Variants in BCL2L13 observed in about 807,000 individuals in gnomAD.
BCL2L13 encodes the protein bcl-2-like protein 13.
BCL2L13 carries 13 observed loss-of-function variants against 25.8 expected under a neutral mutation model. That is an observed-to-expected ratio of 0.50 (90% confidence interval 0.33 to 0.80). The LOEUF is 0.80. Ranked by LOEUF, BCL2L13 falls within the 30% of genes least tolerant of loss-of-function variation. The pLI is 0.02. For missense variants in BCL2L13, 504 were observed against 574.9 expected (o/e 0.88, Z 1.26); for synonymous variants, 244 against 230.3 (o/e 1.06, Z -0.54).
chr22:17,672,322 G>T (rs979180097), intron 2 of BCL2L13, among the ~76,000 whole-genome samples: 2 of 152,184 alleles, frequency 1.3e-5, no homozygotes, highest in Non-Finnish European at 2.9e-5. Flanking sequence ...CATAGATTTC[G>T]AAAGTATTTT....
At chr22:17,652,685 C>T (rs960192259) in intron 1 of BCL2L13, among the ~76,000 whole-genome samples, 28 of 152,230 alleles carry the variant, frequency 1.8e-4, no homozygotes, top group African/African-American at 6.7e-4. Context: ...GTAATCCACC[C>T]GCCTCAGCCT....
chr22:17,638,411 T>G, upstream of BCL2L13: 3 of 346,532 alleles, frequency 8.7e-6, no homozygotes, highest in Non-Finnish European at 1.6e-5. Context: ...ACCTGCTCCC[T>G]TGGCAAACAC....
rs1601569953 is a variant in BCL2L13 at position 17,663,831 on chromosome 22, T to C, written c.121+7999T>C. Among the ~76,000 whole-genome samples, 3 of 150,290 alleles carry C rather than the reference T, an allele frequency of 2.0e-5. 1 individual carries two copies. In the South Asian group the frequency reaches 6.3e-4, roughly 32 times the overall value. ...CCTCCTGAGTAGCTGGGATTACAGATGCTTGCCACCACGCCTGGCTAATTT... is the reference window on the plus strand; with the variant it reads ...CCTCCTGAGTAGCTGGGATTACAGACGCTTGCCACCACGCCTGGCTAATTT... On this transcript the variant is annotated intron_variant, in intron 2 of 6. Coordinates refer to ENST00000317582, the MANE Select transcript of BCL2L13 (RefSeq NM_015367.4).
chr22:17,722,389 G>A (rs1417956113), intron 6 of BCL2L13, among the ~76,000 whole-genome samples: 2 of 150,598 alleles, frequency 1.3e-5, no homozygotes, highest in Admixed American at 6.6e-5. Context: ...GTGTGTGTGT[G>A]TGTGTGTGTG....
intron 2 of BCL2L13, among the ~76,000 whole-genome samples, chr22:17,656,165 G>A (rs139778885): frequency 0.015 from 2,220 of 150,394 alleles, 58 homozygotes; most frequent in African/African-American, 0.05. Context: ...GCTTGAACCC[G>A]GGAGGCAGAG....
intron 4 of BCL2L13, chr22:17,695,669 C>T (rs964524462): frequency 6.6e-6 from 1 of 152,076 alleles, no homozygotes; most frequent in Non-Finnish European, 1.5e-5. Flanking sequence ...CAATTTATTG[C>T]GATATTTATT....
chr22:17,696,038 A>G, intron 4 of BCL2L13, 103 bp from the exon 5 acceptor site: 1 of 789,764 alleles, frequency 1.3e-6, no homozygotes, highest in Non-Finnish European at 2.2e-6. Context: ...AATCTTTGTC[A>G]GTTTAGCAAA....
chr22:17,710,692 C>A (rs1024312227), intron 6 of BCL2L13, among the ~76,000 whole-genome samples: 1 of 151,812 alleles, frequency 6.6e-6, no homozygotes, highest in African/African-American at 2.4e-5. Flanking sequence ...CTGGCTAACA[C>A]GGTGAAACCC....
intron 1 of BCL2L13, among the ~76,000 whole-genome samples, chr22:17,640,604 C>T (rs554170006): frequency 6.6e-6 from 1 of 152,098 alleles, no homozygotes; most frequent in South Asian, 2.1e-4. Context: ...TCACTGTAAT[C>T]CCAGCACTTT....
Position 17,726,885 on chromosome 22 carries a change from C to T in BCL2L13, c.809C>T (p.Ser270Leu), listed in dbSNP as rs200617427. The T allele has an allele frequency of 4.5e-5, 73 of 1,614,076 alleles. No homozygotes were observed. Among genetic ancestry groups the T allele is most frequent in the Non-Finnish European group, 3.5e-5 (41 of 1,180,040 alleles). The change falls in exon 7 of 7, where the codon TCA becomes TTA. Residue 270 changes from serine (S) to leucine (L), a missense_variant. Coordinates refer to ENST00000317582, the MANE Select transcript of BCL2L13 (RefSeq NM_015367.4). ...TGGCACACAGAAAGCCTGCCAGTGT[C>T]ACTAGGCCCTGAGTCCTGGCAGCAG... ...QSWHTESLPV[S>L]LGPESWQQIA...
chr22:17,647,408 A>G (rs1317590389), intron 1 of BCL2L13, among the ~76,000 whole-genome samples: 1 of 152,126 alleles, frequency 6.6e-6, no homozygotes, highest in African/African-American at 2.4e-5. Context: ...GTCCCGCGTC[A>G]TAATTACCTT....
chr22:17,634,311 G>T (rs185600825), upstream of BCL2L13, among the ~76,000 whole-genome samples: 1 of 151,718 alleles, frequency 6.6e-6, no homozygotes, highest in African/African-American at 2.4e-5. Flanking sequence ...TCAGTCTCCC[G>T]AGTAGCTGGG....
intron 4 of BCL2L13, among the ~76,000 whole-genome samples, chr22:17,690,336 A>T (rs964369981): frequency 3.3e-5 from 5 of 150,862 alleles, no homozygotes; most frequent in Middle Eastern, 3.2e-3. Flanking sequence ...AAAGAAAAAA[A>T]TTTTTTTTTT....
At chr22:17,680,686 T>C (rs893994519) in intron 2 of BCL2L13, among the ~76,000 whole-genome samples, 1 of 152,030 alleles carries the variant, frequency 6.6e-6, no homozygotes, top group African/African-American at 2.4e-5. Context: ...TGAGCATCAC[T>C]ACGTGTGTGG....
intron 1 of BCL2L13, among the ~76,000 whole-genome samples, chr22:17,646,884 T>G (rs1162802265): frequency 1.6e-5 from 1 of 63,868 alleles, no homozygotes; most frequent in Non-Finnish European, 3.0e-5. Context: ...CACGCCCAGC[T>G]AATTTGTGTG....
intron 4 of BCL2L13, among the ~76,000 whole-genome samples, chr22:17,695,103 C>A (rs549725388): frequency 5.3e-5 from 8 of 152,288 alleles, no homozygotes; most frequent in South Asian, 2.1e-4. Context: ...CCTCGTCTAC[C>A]ACCATCAGGG....
intron 2 of BCL2L13, among the ~76,000 whole-genome samples, chr22:17,663,875 G>A (rs1423455752): frequency 2.0e-5 from 3 of 149,308 alleles, no homozygotes; most frequent in African/African-American, 4.9e-5. Context: ...TTGAGATGGA[G>A]TCTCGCTCTG....
chr22:17,680,511 C>CAAAAA lies in BCL2L13; in HGVS notation c.122-2677_122-2673dup, dbSNP rs770410371. Among the ~76,000 whole-genome samples, 17 of 13,280 alleles carry CAAAAA rather than the reference C, an allele frequency of 1.3e-3. 2 individuals carry two copies. Among genetic ancestry groups the CAAAAA allele is most frequent in the African/African-American group, 4.2e-3 (14 of 3,314 alleles). 8.7% of individuals were successfully genotyped at this position (13,280 alleles called of 152,430 possible). ...CCTGGGAGAGAGCGAGACTCTGTCT[C>CAAAAA]AAAAAAAAAAAAAAAAAAAAAAAAA... On this transcript the variant is annotated intron_variant, in intron 2 of 6. Transcript: ENST00000317582.
intron 2 of BCL2L13, among the ~76,000 whole-genome samples, chr22:17,672,591 T>C (rs1459955358): frequency 6.6e-6 from 1 of 152,230 alleles, no homozygotes; most frequent in Non-Finnish European, 1.5e-5. Flanking sequence ...TGGAGAGGAT[T>C]AATTAAATGC....
Sources: gnomAD v4.1 joint callset for allele counts (sites outside exome capture counted in the v4.1 genomes callset) on GRCh38, gnomAD v4.1.1 for gene constraint, MANE v1.5 for transcripts, NCBI Gene and HGNC (gene_info 2026-07-23, HGNC 2026-07-21) for gene names.